Variants in GLRB observed in about 807,000 individuals in gnomAD.
The protein encoded by GLRB is glycine receptor subunit beta.
In GLRB, 33 loss-of-function variants were observed where a neutral mutation model predicts 54.2. The observed-to-expected ratio is 0.61, with a 90% CI of 0.46 to 0.81. The LOEUF (loss-of-function observed/expected upper bound fraction) is 0.81. Among genes scored for constraint, GLRB ranks in the 40% least tolerant of loss-of-function variants. GLRB has a pLI of 0.00. For synonymous variants in GLRB, 209 were observed against 208.2 expected (o/e 1.00, Z -0.03); for missense variants, 572 against 584.6 (o/e 0.98, Z 0.22).
intron 2 of GLRB, among the ~76,000 whole-genome samples, chr4:157,104,900 G>A (rs1485982154): frequency 2.0e-5 from 3 of 151,788 alleles, no homozygotes; most frequent in Non-Finnish European, 2.9e-5. Flanking sequence ...CAGTTGTAAT[G>A]CCCCTTCTTT....
At chr4:157,089,274 C>G (rs1227481024) in intron 2 of GLRB, among the ~76,000 whole-genome samples, 1 of 151,902 alleles carries the variant, frequency 6.6e-6, no homozygotes, top group East Asian at 1.9e-4. Flanking sequence ...GGGGACACAC[C>G]TGTAATCCCA....
chr4:157,145,341 A>G (rs1258327808), intron 8 of GLRB, among the ~76,000 whole-genome samples: 1 of 152,214 alleles, frequency 6.6e-6, no homozygotes, highest in Non-Finnish European at 1.5e-5. Flanking sequence ...CAAGTTGGAC[A>G]ACAGATTTAA....
At chr4:157,104,288 T>C (rs950141005) in intron 2 of GLRB, among the ~76,000 whole-genome samples, 5 of 152,288 alleles carry the variant, frequency 3.3e-5, no homozygotes, top group Admixed American at 6.5e-5. Context: ...ATCAAATGCC[T>C]TTTATACATC....
At chr4:157,154,597 T>C (rs1192390885) in intron 9 of GLRB, among the ~76,000 whole-genome samples, 1 of 152,002 alleles carries the variant, frequency 6.6e-6, no homozygotes, top group Non-Finnish European at 1.5e-5. Context: ...CTGGCTAATT[T>C]TGTATTTTCA....
intron 2 of GLRB, among the ~76,000 whole-genome samples, chr4:157,103,247 T>C (rs1321456711): frequency 4.0e-5 from 6 of 151,882 alleles, no homozygotes; most frequent in Non-Finnish European, 7.4e-5. Context: ...CCAAAACCAG[T>C]CCATGGCCAG....
At chr4:157,121,609 A>T (rs1005861573) in intron 3 of GLRB, among the ~76,000 whole-genome samples, 27 of 151,598 alleles carry the variant, frequency 1.8e-4, no homozygotes, top group Admixed American at 1.6e-3. Context: ...GGGTTGTCAC[A>T]TGTCTACCAT....
At chr4:157,104,286 C>T (rs1233564578) in intron 2 of GLRB, among the ~76,000 whole-genome samples, 1 of 151,952 alleles carries the variant, frequency 6.6e-6, no homozygotes, top group African/African-American at 2.4e-5. Flanking sequence ...TTATCAAATG[C>T]CTTTTATACA....
chr4:157,163,125 C>T (rs1737575965), intron 9 of GLRB, among the ~76,000 whole-genome samples: 1 of 152,178 alleles, frequency 6.6e-6, no homozygotes, highest in Admixed American at 6.5e-5. Context: ...GGGCATGGGA[C>T]CCTCCGAGCC....
At chr4:157,143,702 A>C (rs1736698869) in intron 7 of GLRB, 105 bp from the exon 8 acceptor site, 3 of 1,129,916 alleles carry the variant, frequency 2.7e-6, no homozygotes, top group Non-Finnish European at 3.9e-6. Flanking sequence ...TCCTCTGTGA[A>C]ATTGCCTCAG....
At chr4:157,094,026 C>T (rs1046613328) in intron 2 of GLRB, among the ~76,000 whole-genome samples, 4 of 152,146 alleles carry the variant, frequency 2.6e-5, no homozygotes, top group Admixed American at 6.6e-5. Flanking sequence ...TGTTTGCTCT[C>T]TGTATATGTG....
intron 9 of GLRB, among the ~76,000 whole-genome samples, chr4:157,166,724 A>G (rs1036584614): frequency 1.3e-5 from 2 of 152,086 alleles, no homozygotes; most frequent in African/African-American, 2.4e-5. Flanking sequence ...GAAACTTAAT[A>G]TAACCAATTT....
At position 157,084,032 on chromosome 4, in the gene GLRB, A is replaced by G. The variant is rs116142516; in HGVS notation, c.122+5886A>G. ...ATGGATTTATATTTGTAGGTACATC[A>G]TATATGAAACTAGAACATCCTAAAA... On this transcript the variant is annotated intron_variant, in intron 2 of 9. Transcript: ENST00000264428. Among the ~76,000 whole-genome samples the G allele has an allele frequency of 5.5e-3, 830 of 152,286 alleles. 8 individuals carry two copies. Among genetic ancestry groups the G allele is most frequent in the African/African-American group, 0.019 (796 of 41,574 alleles).
At chr4:157,157,809 T>C (rs573097105) in intron 9 of GLRB, among the ~76,000 whole-genome samples, 220 of 152,350 alleles carry the variant, frequency 1.4e-3, no homozygotes, top group African/African-American at 5.2e-3. Flanking sequence ...TATGTGTGCA[T>C]GTGTCTTTAT....
At chr4:157,146,600 C>A (rs1371426158) in intron 8 of GLRB, among the ~76,000 whole-genome samples, 1 of 151,992 alleles carries the variant, frequency 6.6e-6, no homozygotes, top group Non-Finnish European at 1.5e-5. Flanking sequence ...GGGCAAATCA[C>A]CTGAGGTCAG....
intron 8 of GLRB, 32 bp downstream of exon 8, chr4:157,143,991 G>A (rs1194824351): frequency 1.9e-6 from 3 of 1,598,540 alleles, no homozygotes; most frequent in Non-Finnish European, 2.6e-6. Context: ...TGTCACATCA[G>A]GAACAGATTA....
intron 9 of GLRB, among the ~76,000 whole-genome samples, chr4:157,167,346 C>T (rs1258003744): frequency 6.6e-6 from 1 of 152,180 alleles, no homozygotes; most frequent in Admixed American, 6.5e-5. Flanking sequence ...CAAAAGTTCA[C>T]TGATACATGT....
chr4:157,159,023 G>T (rs538479898), intron 9 of GLRB, among the ~76,000 whole-genome samples: 2 of 152,136 alleles, frequency 1.3e-5, no homozygotes, highest in Non-Finnish European at 2.9e-5. Flanking sequence ...GTAGTTCGTA[G>T]TTCTCCTTGA....
At chr4:157,092,461 A>G (rs1433276275) in intron 2 of GLRB, among the ~76,000 whole-genome samples, 1 of 152,244 alleles carries the variant, frequency 6.6e-6, no homozygotes, top group Non-Finnish European at 1.5e-5. Context: ...TAAAGAGTTC[A>G]AAGTGGTTTT....
At chr4:157,084,676 C>G in intron 2 of GLRB, 1 of 455,982 alleles carries the variant, frequency 2.2e-6, no homozygotes, top group African/African-American at 2.0e-5. Flanking sequence ...AGAGATTGTA[C>G]CATTGAATGA....
Sources: gnomAD v4.1 joint callset for allele counts (sites outside exome capture counted in the v4.1 genomes callset) on GRCh38, gnomAD v4.1.1 for gene constraint, MANE v1.5 for transcripts, NCBI Gene and HGNC (gene_info 2026-07-23, HGNC 2026-07-21) for gene names.